The following FAT3 variants were observed in gnomAD, a reference collection of about 807,000 sequenced individuals.
FAT3 encodes FAT atypical cadherin 3.
Under a neutral mutation model 310.2 loss-of-function variants are expected in FAT3, and 95 were observed. The ratio of observed to expected loss-of-function variants is 0.31; its 90% CI spans 0.26 to 0.36. FAT3 has a LOEUF of 0.36. Ranked by LOEUF, FAT3 falls within the 10% of genes least tolerant of loss-of-function variation. The pLI is 1.00. For synonymous variants in FAT3, 2,314 were observed against 2,192.9 expected (o/e 1.06, Z -1.54); for missense variants, 5,408 against 5,715.6 (o/e 0.95, Z 1.74).
intron 17 of FAT3, among the ~76,000 whole-genome samples, chr11:92,839,668 A>G (rs950660238): frequency 2.6e-5 from 4 of 152,198 alleles, no homozygotes; most frequent in African/African-American, 9.6e-5. Context: ...AAACTGGTTT[A>G]ATCCTTAGGT....
At chr11:92,649,051 A>G (rs1158590619) in intron 3 of FAT3, among the ~76,000 whole-genome samples, 1 of 152,168 alleles carries the variant, frequency 6.6e-6, no homozygotes, top group African/African-American at 2.4e-5. Context: ...GCACCTGCCC[A>G]GTGAGGCATA....
chr11:92,450,669 T>G (rs1351485265), intron 2 of FAT3, among the ~76,000 whole-genome samples: 1 of 152,182 alleles, frequency 6.6e-6, no homozygotes, highest in Non-Finnish European at 1.5e-5. Context: ...TCAGAAGATA[T>G]GCTCCAGAAG....
chr11:92,323,316 A>G (rs1032884734), intron 1 of FAT3, among the ~76,000 whole-genome samples: 2 of 152,046 alleles, frequency 1.3e-5, no homozygotes, highest in Non-Finnish European at 1.5e-5. Context: ...TGGCGTGATC[A>G]TGGCTCACTG....
intron 4 of FAT3, among the ~76,000 whole-genome samples, chr11:92,735,850 T>G (rs1169412114): frequency 6.6e-6 from 1 of 151,974 alleles, no homozygotes; most frequent in East Asian, 1.9e-4. Flanking sequence ...AAGTAATGGG[T>G]TCTCTATATA....
Position 92,555,808 on chromosome 11 carries a change from AAC to A in FAT3, c.3607+30866_3607+30867del, listed in dbSNP as rs1242817003. On this transcript the variant is annotated intron_variant, in intron 3 of 27. Coordinates refer to ENST00000525166, the MANE Select transcript of FAT3 (RefSeq NM_001367949.2). ...CTGTGTTTTTAATGAAAAACACACA[AAC>A]ACACATAAAATTACCACACTCACCA... 3.9e-5 allele frequency among the ~76,000 whole-genome samples: 6 copies of A among 152,202 alleles called. No homozygotes were observed. In the East Asian group the frequency reaches 1.2e-3, roughly 29 times the overall value.
intron 13 of FAT3, among the ~76,000 whole-genome samples, chr11:92,830,951 C>A (rs1325108889): frequency 6.6e-6 from 1 of 152,188 alleles, no homozygotes; most frequent in Non-Finnish European, 1.5e-5. Flanking sequence ...ACTTCCGACA[C>A]CATCTGCCTT....
At chr11:92,570,647 A>G (rs1311497617) in intron 3 of FAT3, among the ~76,000 whole-genome samples, 1 of 152,194 alleles carries the variant, frequency 6.6e-6, no homozygotes, top group Non-Finnish European at 1.5e-5. Flanking sequence ...CATATATTAA[A>G]TAAATGCCCT....
chr11:92,702,246 C>T (rs1219042425), intron 4 of FAT3, among the ~76,000 whole-genome samples: 1 of 152,116 alleles, frequency 6.6e-6, no homozygotes, highest in Non-Finnish European at 1.5e-5. Context: ...TCTCTGTATA[C>T]AAGCATCTGT....
intron 4 of FAT3, among the ~76,000 whole-genome samples, chr11:92,721,744 A>G (rs1251764684): frequency 1.3e-5 from 2 of 152,218 alleles, no homozygotes; most frequent in South Asian, 2.1e-4. Context: ...AAAGAGATTT[A>G]CTGGACTCAC....
At chr11:92,472,166 C>A (rs1001369690) in intron 2 of FAT3, among the ~76,000 whole-genome samples, 1 of 151,896 alleles carries the variant, frequency 6.6e-6, no homozygotes, top group African/African-American at 2.4e-5. Flanking sequence ...AACTCTTAAG[C>A]TAAATGAGCA....
rs892029967 is a variant in FAT3, at chr11:92,673,515, G to A, written c.3608-23869G>A. 3.3e-5 allele frequency among the ~76,000 whole-genome samples: 5 copies of A among 152,236 alleles called. No homozygotes were observed. In the South Asian group the frequency reaches 8.3e-4, roughly 25 times the overall value. ...TACGAGTGCAAAGAAGACTGTATAA[G>A]CCATCCTGGGTGACAATAAGGGGTT... On this transcript the variant is annotated intron_variant, in intron 3 of 27. Transcript: ENST00000525166.
At chr11:92,520,250 A>G (rs1172585607) in intron 2 of FAT3, among the ~76,000 whole-genome samples, 1 of 152,178 alleles carries the variant, frequency 6.6e-6, no homozygotes, top group Non-Finnish European at 1.5e-5. Flanking sequence ...AGTACAGACT[A>G]TATTATTTAA....
chr11:92,410,929 A>ATT (rs1950243673), intron 2 of FAT3, among the ~76,000 whole-genome samples: 1 of 151,350 alleles, frequency 6.6e-6, no homozygotes, highest in South Asian at 2.1e-4. Context: ...ATCATACTCA[A>ATT]TTTTATTTTT....
At chr11:92,225,407 C>T (rs1229346821) in intron 1 of FAT3, among the ~76,000 whole-genome samples, 4 of 152,096 alleles carry the variant, frequency 2.6e-5, no homozygotes, top group Admixed American at 6.5e-5. Flanking sequence ...GGCTTGGCCC[C>T]GCGGCGGGAG....
chr11:92,642,984 A>G (rs1013696268), intron 3 of FAT3, among the ~76,000 whole-genome samples: 5 of 152,228 alleles, frequency 3.3e-5, no homozygotes, highest in African/African-American at 1.2e-4. Context: ...CTGTGAGGTA[A>G]TATGAATGAA....
chr11:92,561,486 T>C (rs1955225281), intron 3 of FAT3, among the ~76,000 whole-genome samples: 1 of 152,132 alleles, frequency 6.6e-6, no homozygotes, highest in Admixed American at 6.6e-5. Flanking sequence ...ATATAGGACT[T>C]TGTTCCCATA....
chr11:92,646,187 C>T (rs80226775), intron 3 of FAT3, among the ~76,000 whole-genome samples: 6,566 of 152,226 alleles, frequency 0.043, 307 homozygotes, highest in East Asian at 0.21. Flanking sequence ...GGTTGATGGA[C>T]TGTCTAGAGA....
chr11:92,311,024 GTA>G (rs1332548197), intron 1 of FAT3, among the ~76,000 whole-genome samples: 1 of 150,642 alleles, frequency 6.6e-6, no homozygotes, highest in African/African-American at 2.4e-5. Context: ...ACACATATAT[GTA>G]TATATATACA....
At chr11:92,255,652 G>T (rs1031071026) in intron 1 of FAT3, among the ~76,000 whole-genome samples, 1 of 152,104 alleles carries the variant, frequency 6.6e-6, no homozygotes, top group Non-Finnish European at 1.5e-5. Context: ...CAGCTGCTGT[G>T]ATGTTGGAAT....
Sources: gnomAD v4.1 joint callset for allele counts (sites outside exome capture counted in the v4.1 genomes callset) on GRCh38, gnomAD v4.1.1 for gene constraint, MANE v1.5 for transcripts, NCBI Gene and HGNC (gene_info 2026-07-23, HGNC 2026-07-21) for gene names.